Variants in WDR47 observed in about 807,000 individuals in gnomAD.
WDR47 encodes the protein WD repeat-containing protein 47.
In WDR47, 32 loss-of-function variants were observed where a neutral mutation model predicts 97.2. The observed-to-expected ratio is 0.33, with a 90% CI of 0.25 to 0.44. The LOEUF is 0.44. WDR47 is among the 20% of genes least tolerant of loss of function. The pLI, the probability that WDR47 is intolerant of heterozygous loss-of-function variation, is 1.00. For missense variants in WDR47, 782 were observed against 1,102.3 expected (o/e 0.71, Z 4.11); for synonymous variants, 375 against 373.5 (o/e 1.00, Z -0.05).
intron 4 of WDR47, among the ~76,000 whole-genome samples, chr1:109,013,032 G>C (rs1017595039): frequency 4.6e-5 from 7 of 152,192 alleles, no homozygotes; most frequent in South Asian, 2.1e-4. Context: ...AGGGCCTTTG[G>C]GAGGTGACTA....
chr1:109,037,822 T>C (rs1166038017), intron 1 of WDR47, among the ~76,000 whole-genome samples: 5 of 152,074 alleles, frequency 3.3e-5, no homozygotes. Context: ...ATAAAATTTT[T>C]ATGTCTTTTT....
intron 1 of WDR47, among the ~76,000 whole-genome samples, chr1:109,028,269 T>C (rs1348079088): frequency 6.6e-6 from 1 of 151,518 alleles, no homozygotes; most frequent in Non-Finnish European, 1.5e-5. Context: ...ACTGCAGCCT[T>C]GGCCTTCTGG....
chr1:109,035,705 A>G (rs953234668), intron 1 of WDR47, among the ~76,000 whole-genome samples: 2 of 151,986 alleles, frequency 1.3e-5, no homozygotes, highest in Non-Finnish European at 2.9e-5. Context: ...CATGTTGGCC[A>G]GGCTAGTCTC....
chr1:108,982,572 A>C, intron 12 of WDR47, 37 bp downstream of exon 12: 1 of 1,554,506 alleles, frequency 6.4e-7, no homozygotes, highest in Non-Finnish European at 8.6e-7. Flanking sequence ...CAGATTGAAC[A>C]AAAAGAAAAA....
intron 7 of WDR47, among the ~76,000 whole-genome samples, chr1:108,999,591 C>T (rs1456618913): frequency 6.6e-6 from 1 of 151,442 alleles, no homozygotes; most frequent in Admixed American, 6.6e-5. Flanking sequence ...CACTTTAGCC[C>T]CAGAGGCAGA....
At chr1:109,023,197 C>T (rs565580244) in intron 2 of WDR47, among the ~76,000 whole-genome samples, 158 bp downstream of exon 2, 6 of 151,750 alleles carry the variant, frequency 4.0e-5, no homozygotes, top group South Asian at 4.2e-4. Context: ...AGCAAGACTC[C>T]GTCTCAAAAA....
At position 109,001,298 on chromosome 1, in the gene WDR47, T is replaced by C. The variant is rs147244732; in HGVS notation, c.1433+926A>G. On this transcript the variant is annotated intron_variant, in intron 7 of 14. Transcript: ENST00000369962. ...AGTAAAATTCCATCCCAAGAATGAATAAATCAATAAATTAATTAATTAAAT... is the reference window on the plus strand; with the variant it reads ...AGTAAAATTCCATCCCAAGAATGAACAAATCAATAAATTAATTAATTAAAT... Among the ~76,000 whole-genome samples, 934 of 151,770 alleles carry C rather than the reference T, an allele frequency of 6.2e-3. 3 individuals are homozygous for C. Among genetic ancestry groups the C allele is most frequent in the African/African-American group, 0.021 (861 of 41,362 alleles).
At chr1:109,005,348 G>C (rs1660517579) in intron 5 of WDR47, among the ~76,000 whole-genome samples, 1 of 152,158 alleles carries the variant, frequency 6.6e-6, no homozygotes, top group South Asian at 2.1e-4. Flanking sequence ...AGGAGGTAGA[G>C]GTTACAGTGA....
Position 109,011,398 on chromosome 1 carries a change from A to G in WDR47, c.648T>C (p.Thr216=). The G allele has an allele frequency of 2.5e-6, 4 of 1,614,208 alleles. No homozygotes were observed. The South Asian group carries it at 3.3e-5, about 13-fold the overall frequency. Reference sequence around the variant, plus strand: ...CTTCGCTTTCTGTAATTTCTTCTCCAGTTGCTTTACTCTGACAAAATTCTA... The same window carrying G: ...CTTCGCTTTCTGTAATTTCTTCTCCGGTTGCTTTACTCTGACAAAATTCTA... ...CCVEFCQSKA[T]GEEITESEVL... is the part of the protein sequence containing the mutation. The change falls in exon 5 of 15, where the codon ACT becomes ACC. Residue 216 remains threonine (T), a synonymous_variant. Transcript: ENST00000369962.
In WDR47 at chr1:109,040,884, C is replaced by T. The variant is rs112779613; in HGVS notation, c.-10+978G>A. On this transcript the variant is annotated intron_variant, in intron 1 of 14. Coordinates refer to ENST00000369962, the MANE Select transcript of WDR47 (RefSeq NM_001142551.2). ...TAAACCTACATGTTCATTTCTGTGC[C>T]ATTAACTTTTTGAGGCATTCTACAG... Among the ~76,000 whole-genome samples the T allele has an allele frequency of 9.7e-3, 1,471 of 152,124 alleles. 27 individuals are homozygous for T. Among genetic ancestry groups the T allele is most frequent in the African/African-American group, 0.034 (1,401 of 41,510 alleles).
chr1:109,008,308 T>C (rs1027197876), intron 5 of WDR47, among the ~76,000 whole-genome samples: 54 of 152,120 alleles, frequency 3.5e-4, no homozygotes, highest in Non-Finnish European at 7.7e-4. Context: ...TCTTACTCTG[T>C]CGCCTAGGCT....
rs373339938 is a variant in WDR47, at chr1:108,971,212, A to G, written c.*218T>C. 3 of 556,710 alleles carry G rather than the reference A, an allele frequency of 5.4e-6. No homozygotes were observed. The South Asian group carries it at 8.3e-5, about 15-fold the overall frequency. 34.5% of individuals were successfully genotyped at this position (556,710 alleles called of 1,614,324 possible). On this transcript the variant is annotated 3_prime_UTR_variant, in exon 15 of 15. Coordinates refer to ENST00000369962, the MANE Select transcript of WDR47 (RefSeq NM_001142551.2). ...CTGCAGACTTTGGCAACGAGACTAC[A>G]TATAGCAGGTCACAGCAGCACGAGC... is the stretch of plus-strand genomic sequence containing the variant.
At chr1:109,006,061 G>A (rs1660588764) in intron 5 of WDR47, among the ~76,000 whole-genome samples, 1 of 151,866 alleles carries the variant, frequency 6.6e-6, no homozygotes, top group Non-Finnish European at 1.5e-5. Flanking sequence ...TCCTCCATAT[G>A]TTTCTATAGA....
At chr1:108,991,228 T>C (rs1326663416) in intron 9 of WDR47, 26 bp downstream of exon 9, 8 of 1,592,126 alleles carry the variant, frequency 5.0e-6, no homozygotes, top group Non-Finnish European at 6.0e-6. Flanking sequence ...ATGAAAACAA[T>C]AAAACTTCCT....
At chr1:109,026,973 T>TAA (rs967886054) in intron 1 of WDR47, among the ~76,000 whole-genome samples, 1 of 151,428 alleles carries the variant, frequency 6.6e-6, no homozygotes, top group African/African-American at 2.4e-5. Context: ...GTTTTCTTTT[T>TAA]AAAAAAAAAC....
At position 108,986,769 on chromosome 1, in the gene WDR47, T is replaced by C. The variant is rs1470948742; in HGVS notation, c.1768-89A>G. The C allele has an allele frequency of 2.6e-6, 3 of 1,151,136 alleles. No individual in the cohort carries two copies. In the African/African-American group the frequency reaches 4.7e-5, roughly 18 times the overall value. The allele number at this position is 1,151,136 out of a possible 1,614,324, so 71.3% of individuals were successfully genotyped here. A position where few individuals can be genotyped will look rare whatever the true frequency, so the allele number is the denominator to read the frequency against. ...TCCCATTTTAAATTCATTTGAACTTTATTATTCTTGTTGGATCATGTTAGG... is the reference window on the plus strand; with the variant it reads ...TCCCATTTTAAATTCATTTGAACTTCATTATTCTTGTTGGATCATGTTAGG... On this transcript the variant is annotated intron_variant, in intron 9 of 14. Coordinates refer to ENST00000369962, the MANE Select transcript of WDR47 (RefSeq NM_001142551.2).
At chr1:109,034,423 T>C (rs753753849) in intron 1 of WDR47, among the ~76,000 whole-genome samples, 2 of 152,172 alleles carry the variant, frequency 1.3e-5, no homozygotes, top group Non-Finnish European at 2.9e-5. Flanking sequence ...AACTGAACTG[T>C]CCTTAATAGC....
intron 3 of WDR47, among the ~76,000 whole-genome samples, chr1:109,015,792 C>G (rs1174025639): frequency 6.6e-6 from 1 of 151,098 alleles, no homozygotes; most frequent in African/African-American, 2.4e-5. Flanking sequence ...TCGAGACCAG[C>G]CTGACCAACA....
intron 13 of WDR47, 48 bp downstream of exon 13, chr1:108,981,685 A>G: frequency 6.4e-7 from 1 of 1,556,114 alleles, no homozygotes; most frequent in Non-Finnish European, 8.7e-7. Context: ...AGACTAGTCT[A>G]ATTTACAAAG....
Sources: gnomAD v4.1 joint callset for allele counts (sites outside exome capture counted in the v4.1 genomes callset) on GRCh38, gnomAD v4.1.1 for gene constraint, MANE v1.5 for transcripts, NCBI Gene and HGNC (gene_info 2026-07-23, HGNC 2026-07-21) for gene names.